Variants in STX8 observed in about 807,000 individuals in gnomAD.
STX8 encodes the protein syntaxin-8.
STX8 carries 23 observed loss-of-function variants against 37.5 expected under a neutral mutation model. The ratio of observed to expected loss-of-function variants is 0.61; its 90% CI spans 0.44 to 0.87. The LOEUF is 0.87. STX8 is among the 40% of genes least tolerant of loss of function. The pLI is 0.00. For missense variants in STX8, 313 were observed against 284.7 expected (o/e 1.10, Z -0.71); for synonymous variants, 115 against 99.1 (o/e 1.16, Z -0.95).
chr17:9,355,367 C>T (rs1910842501), intron 7 of STX8, among the ~76,000 whole-genome samples: 1 of 144,340 alleles, frequency 6.9e-6, no homozygotes, highest in African/African-American at 2.6e-5. Context: ...CATGGTCTCA[C>T]CCTGTCACCC....
intron 1 of STX8, among the ~76,000 whole-genome samples, chr17:9,574,637 C>A (rs1352458932): frequency 6.6e-6 from 1 of 151,880 alleles, no homozygotes; most frequent in East Asian, 1.9e-4. Flanking sequence ...CGGGTTCAAG[C>A]GATTCTCCTG....
intron 7 of STX8, among the ~76,000 whole-genome samples, chr17:9,297,952 A>G (rs951781817): frequency 1.3e-5 from 2 of 152,224 alleles, no homozygotes; most frequent in African/African-American, 2.4e-5. Context: ...AAACAAAGTT[A>G]TTCCATGTAC....
intron 4 of STX8, among the ~76,000 whole-genome samples, chr17:9,521,049 T>C (rs1014440832): frequency 5.9e-5 from 9 of 152,226 alleles, no homozygotes; most frequent in African/African-American, 2.2e-4. Flanking sequence ...TAATTCCTTT[T>C]TCAGAACTTT....
chr17:9,254,156 T>C lies in STX8; in HGVS notation c.644-3511A>G, dbSNP rs537547742. Among the ~76,000 whole-genome samples the C allele has an allele frequency of 2.6e-5, 4 of 152,286 alleles. No individual in the cohort carries two copies. The South Asian group carries it at 8.3e-4, about 32-fold the overall frequency. On this transcript the variant is annotated intron_variant, in intron 7 of 7. Coordinates refer to ENST00000306357, the MANE Select transcript of STX8 (RefSeq NM_004853.3). ...CTTGCACAGTCTGACCCAGCAACCCTGCAGCCGCACTCTGCGCGCTGTGTT... is the reference window on the plus strand; with the variant it reads ...CTTGCACAGTCTGACCCAGCAACCCCGCAGCCGCACTCTGCGCGCTGTGTT...
chr17:9,350,142 T>C (rs145149891), intron 7 of STX8, among the ~76,000 whole-genome samples: 13 of 152,136 alleles, frequency 8.5e-5, no homozygotes, highest in African/African-American at 2.9e-4. Context: ...ATGATGGCCA[T>C]AGCTGGATGT....
At chr17:9,267,551 T>C (rs531734055) in intron 7 of STX8, among the ~76,000 whole-genome samples, 24 of 152,340 alleles carry the variant, frequency 1.6e-4, no homozygotes, top group African/African-American at 5.8e-4. Flanking sequence ...CGGGCGCAAC[T>C]ACTCTCAGTA....
intron 7 of STX8, among the ~76,000 whole-genome samples, chr17:9,333,951 C>G (rs546278378): frequency 1.3e-5 from 2 of 152,236 alleles, no homozygotes; most frequent in East Asian, 3.9e-4. Flanking sequence ...ATCACAGAAC[C>G]GGCTGAGCAG....
At chr17:9,260,331 AAAGTC>A (rs1906962611) in intron 7 of STX8, among the ~76,000 whole-genome samples, 1 of 151,856 alleles carries the variant, frequency 6.6e-6, no homozygotes, top group African/African-American at 2.4e-5. Flanking sequence ...TCTTAAAAGA[AAAGTC>A]AAGAAGGCCG....
At chr17:9,524,982 T>A (rs1905506231) in intron 4 of STX8, among the ~76,000 whole-genome samples, 1 of 152,108 alleles carries the variant, frequency 6.6e-6, no homozygotes, top group Non-Finnish European at 1.5e-5. Context: ...TAATTTTTTG[T>A]ATTTTGGGTA....
chr17:9,273,528 G>A, intron 7 of STX8: 1 of 152,646 alleles, frequency 6.6e-6, no homozygotes, highest in Non-Finnish European at 1.5e-5. Context: ...ACCACGCCAG[G>A]CCACACACAG....
chr17:9,362,993 G>C (rs1911116777), intron 7 of STX8, among the ~76,000 whole-genome samples: 1 of 152,124 alleles, frequency 6.6e-6, no homozygotes, highest in Non-Finnish European at 1.5e-5. Context: ...TATTTAACTT[G>C]ATGCGGCCAC....
intron 6 of STX8, among the ~76,000 whole-genome samples, chr17:9,414,039 T>TGTCC (rs1913074066): frequency 1.7e-5 from 2 of 116,720 alleles, no homozygotes; most frequent in Non-Finnish European, 3.7e-5. Context: ...TCCAACCATC[T>TGTCC]ATCTGCCCGT....
intron 6 of STX8, among the ~76,000 whole-genome samples, chr17:9,399,759 G>A (rs1012661320): frequency 1.3e-4 from 19 of 151,520 alleles, no homozygotes; most frequent in Non-Finnish European, 2.2e-4. Context: ...CCAGCTACTC[G>A]GGAGGCTGAG....
At chr17:9,275,714 A>C (rs1481672208) in intron 7 of STX8, among the ~76,000 whole-genome samples, 1 of 151,878 alleles carries the variant, frequency 6.6e-6, no homozygotes. Context: ...GTAAAAATAC[A>C]AAAATTAGCC....
At chr17:9,490,174 C>T (rs1182343049) in intron 6 of STX8, among the ~76,000 whole-genome samples, 1 of 152,086 alleles carries the variant, frequency 6.6e-6, no homozygotes, top group East Asian at 1.9e-4. Context: ...ATTTAGTAAT[C>T]TATTTATTTA....
At chr17:9,284,039 A>G (rs1465425404) in intron 7 of STX8, among the ~76,000 whole-genome samples, 1 of 152,164 alleles carries the variant, frequency 6.6e-6, no homozygotes, top group Non-Finnish European at 1.5e-5. Flanking sequence ...CAACAATAAG[A>G]CTTTTCTGAG....
Position 9,254,389 on chromosome 17 carries a change from T to C in STX8, c.644-3744A>G, listed in dbSNP as rs530338566. On this transcript the variant is annotated intron_variant, in intron 7 of 7. Transcript: ENST00000306357. The stretch of plus-strand genomic sequence containing the variant: ...CCCTCTTTGCCCCCCTAAGTTTCCA[T>C]GGTAACTCTTATTAAATCTTTTTTT... Among the ~76,000 whole-genome samples the C allele has an allele frequency of 2.6e-5, 4 of 152,206 alleles. 1 individual carries two copies. The highest frequency in any genetic ancestry group is 2.0e-4 in the Admixed American group (3 of 15,282).
At chr17:9,573,388 T>C (rs1014466142) in intron 1 of STX8, among the ~76,000 whole-genome samples, 2 of 152,184 alleles carry the variant, frequency 1.3e-5, no homozygotes, top group Non-Finnish European at 2.9e-5. Context: ...TCGTTTCTAT[T>C]GATAATAACT....
intron 6 of STX8, among the ~76,000 whole-genome samples, chr17:9,380,753 G>A (rs1454676403): frequency 2.5e-5 from 3 of 120,672 alleles, no homozygotes; most frequent in Middle Eastern, 7.5e-3. Context: ...CACTCTTGTC[G>A]CCCAGGCTGG....
Sources: gnomAD v4.1 joint callset for allele counts (sites outside exome capture counted in the v4.1 genomes callset) on GRCh38, gnomAD v4.1.1 for gene constraint, MANE v1.5 for transcripts, NCBI Gene and HGNC (gene_info 2026-07-23, HGNC 2026-07-21) for gene names.